Variants in KNDC1 observed in about 807,000 individuals in gnomAD.
KNDC1 encodes the protein kinase non-catalytic C-lobe domain containing 1, also known as kinase non-catalytic C-lobe domain-containing protein 1.
KNDC1 carries 106 observed loss-of-function variants against 172.8 expected under a neutral mutation model. The ratio of observed to expected loss-of-function variants is 0.61; its 90% CI spans 0.52 to 0.72. KNDC1 has a LOEUF of 0.72. Ranked by LOEUF, KNDC1 falls within the 30% of genes least tolerant of loss-of-function variation. The pLI, the probability that KNDC1 is intolerant of heterozygous loss-of-function variation, is 0.00. For synonymous variants in KNDC1, 1,083 were observed against 1,062.2 expected (o/e 1.02, Z -0.38); for missense variants, 2,325 against 2,394.5 (o/e 0.97, Z 0.61).
chr10:133,183,572 C>T (rs566015234), intron 4 of KNDC1, 82 bp downstream of exon 4: 6 of 1,417,106 alleles, frequency 4.2e-6, no homozygotes, highest in South Asian at 1.4e-5. Flanking sequence ...CACACCCACG[C>T]CCAGCAGCCT....
chr10:133,199,790 C>T (rs12766730), intron 15 of KNDC1, among the ~76,000 whole-genome samples, 188 bp downstream of exon 15: 42,479 of 152,132 alleles, frequency 0.28, 6,516 homozygotes, highest in Middle Eastern at 0.35. Context: ...GGCCTGACGC[C>T]TACTCACAGC....
chr10:133,160,473 G>A lies in KNDC1; in HGVS notation c.6G>A (p.Gln2=). The A allele has an allele frequency of 1.3e-6, 2 of 1,574,920 alleles. No individual in the cohort carries two copies. The highest frequency in any genetic ancestry group is 1.7e-6 in the Non-Finnish European group (2 of 1,162,796). The part of the protein sequence containing the change: M[Q]AMDPAAADLY... ...GTGCGCGGCGCGGCCGCAGGATGCA[G>A]GCCATGGACCCGGCCGCGGCGGATC... Residue 2 remains glutamine, a synonymous_variant, in exon 1 of 30, where the codon CAG becomes CAA. Coordinates refer to ENST00000304613, the MANE Select transcript of KNDC1 (RefSeq NM_152643.8).
intron 20 of KNDC1, 121 bp from the exon 21 acceptor site, chr10:133,210,490 C>T (rs1190836123): frequency 4.7e-6 from 3 of 644,614 alleles, no homozygotes; most frequent in South Asian, 3.8e-5. Context: ...GGGGATTCTC[C>T]TGACAGTGAT....
intron 1 of KNDC1, among the ~76,000 whole-genome samples, chr10:133,161,992 C>G (rs1243156879): frequency 6.6e-6 from 1 of 152,226 alleles, no homozygotes; most frequent in Non-Finnish European, 1.5e-5. Context: ...TCCCCACCCC[C>G]ACGCACACAC....
chr10:133,175,726 G>C (rs544483167), intron 3 of KNDC1, among the ~76,000 whole-genome samples: 14 of 151,582 alleles, frequency 9.2e-5, no homozygotes, highest in African/African-American at 3.4e-4. Context: ...ATGTGTGGAT[G>C]GATGGGTGAA....
intron 5 of KNDC1, among the ~76,000 whole-genome samples, chr10:133,185,010 T>C (rs755257473): frequency 1.5e-4 from 23 of 152,280 alleles, no homozygotes; most frequent in Non-Finnish European, 5.9e-5. Flanking sequence ...CGTGTCTGCA[T>C]TGGCATCGCT....
At chr10:133,219,865 G>C in intron 28 of KNDC1, 90 bp from the exon 29 acceptor site, 1 of 1,316,276 alleles carries the variant, frequency 7.6e-7, no homozygotes, top group Non-Finnish European at 1.0e-6. Flanking sequence ...GGACCCGCTG[G>C]GACTGGTTGG....
intron 26 of KNDC1, 92 bp downstream of exon 26, chr10:133,214,214 C>G: frequency 7.2e-7 from 1 of 1,384,982 alleles, no homozygotes; most frequent in Non-Finnish European, 9.9e-7. Flanking sequence ...GGCCTGAACC[C>G]TCTCCCAATG....
chr10:133,188,506 T>C, intron 6 of KNDC1, 33 bp from the exon 7 acceptor site: 1 of 1,420,990 alleles, frequency 7.0e-7, no homozygotes, highest in Non-Finnish European at 9.7e-7. Context: ...GCAAGGGGTG[T>C]CCACACTGAC....
At chr10:133,187,161 G>A (rs1054880565) in intron 6 of KNDC1, among the ~76,000 whole-genome samples, 1 of 152,218 alleles carries the variant, frequency 6.6e-6, no homozygotes, top group Non-Finnish European at 1.5e-5. Context: ...TCGGTGCTGG[G>A]CCACCTCCGC....
intron 3 of KNDC1, among the ~76,000 whole-genome samples, chr10:133,183,001 CGGCAAGG>C (rs1464713872): frequency 1.4e-5 from 2 of 143,220 alleles, no homozygotes; most frequent in African/African-American, 5.2e-5. Context: ...TGGGCACAGG[CGGCAAGG>C]GCATGGGTGG....
chr10:133,206,560 A>G (rs1845199433), intron 17 of KNDC1, 125 bp from the exon 18 acceptor site: 4 of 811,932 alleles, frequency 4.9e-6, no homozygotes, highest in Non-Finnish European at 8.4e-6. Flanking sequence ...CTCTGTCTCC[A>G]TGGGACCCTG....
At position 133,183,489 on chromosome 10, in the gene KNDC1, A is replaced by G. The variant is rs1245161198; in HGVS notation, c.506A>G (p.Glu169Gly). The G allele has an allele frequency of 6.3e-6, 10 of 1,598,602 alleles. No individual in the cohort carries two copies. In the South Asian group the frequency reaches 9.0e-5, roughly 14 times the overall value. ...GACCCCGGGGACCGGCCGGACCTTG[A>G]GGTAAGCGAGGCTGCCCTGGGCCAC... is the stretch of plus-strand genomic sequence containing the variant. The part of the protein sequence containing the change: ...AEDPGDRPDL[E>G]SIIALCEEKL... Residue 169 changes from glutamate (E) to glycine (G), a missense_variant and splice_region_variant, in exon 4 of 30, where the codon GAG (glutamate) becomes GGG (glycine). Physicochemically the swap from Glu to Gly is moderately conservative, Grantham distance 98 (BLOSUM62 -2). Transcript: ENST00000304613.
At chr10:133,200,285 G>C in intron 15 of KNDC1, 90 bp from the exon 16 acceptor site, 1 of 968,434 alleles carries the variant, frequency 1.0e-6, no homozygotes, top group South Asian at 1.9e-5. Context: ...GCTCCGCATA[G>C]ACGTGTGGGC....
In KNDC1 at chr10:133,198,961, C is replaced by T; in HGVS notation, c.2453C>T (p.Pro818Leu). The change falls in exon 14 of 30, where the codon CCC becomes CTC. Residue 818 changes from proline to leucine, a missense_variant. Pro to Leu is a moderately conservative substitution (Grantham distance 98). Coordinates refer to ENST00000304613, the MANE Select transcript of KNDC1 (RefSeq NM_152643.8). ...GGCCTCAGGCCCGACGCCCTGGGGCCCACCACGGCCCACCACGGCCCACGC... is the reference window on the plus strand; with the variant it reads ...GGCCTCAGGCCCGACGCCCTGGGGCTCACCACGGCCCACCACGGCCCACGC... ...SGGLRPDALG[P>L]TTAHHGPRHP... 19 of 1,518,322 alleles carry T rather than the reference C, an allele frequency of 1.3e-5. No homozygotes were observed. The highest frequency in any genetic ancestry group is 1.8e-4 in the Middle Eastern group (1 of 5,662). The allele number at this position is 1,518,322 out of a possible 1,614,324, so 94.1% of individuals were successfully genotyped here.
chr10:133,202,185 G>A (rs1304503266), intron 17 of KNDC1: 2 of 678,458 alleles, frequency 2.9e-6, no homozygotes, highest in East Asian at 2.9e-5. Context: ...GGGTTCACAG[G>A]AGGCCCCTCC....
At chr10:133,217,447 G>A (rs1845488800) in intron 26 of KNDC1, among the ~76,000 whole-genome samples, 1 of 152,274 alleles carries the variant, frequency 6.6e-6, no homozygotes, top group Non-Finnish European at 1.5e-5. Flanking sequence ...CCGGGGGCAG[G>A]CGCGGTGGCT....
At chr10:133,217,180 C>A (rs1460396195) in intron 26 of KNDC1, among the ~76,000 whole-genome samples, 1 of 152,236 alleles carries the variant, frequency 6.6e-6, no homozygotes, top group East Asian at 1.9e-4. Context: ...ATACTTTTTA[C>A]AATTAAAAAT....
At chr10:133,213,501 C>A (rs1845413507) in intron 24 of KNDC1, 144 bp from the exon 25 acceptor site, 3 of 672,706 alleles carry the variant, frequency 4.5e-6, no homozygotes. Flanking sequence ...CTGCAGCCGA[C>A]CCCTGTGGAC....
Sources: allele counts gnomAD v4.1 joint callset (sites outside exome capture counted in the v4.1 genomes callset), GRCh38; gene constraint gnomAD v4.1.1; transcripts MANE v1.5; gene names NCBI Gene and HGNC (gene_info 2026-07-23, HGNC 2026-07-21).